The following HERPUD2 variants were observed in gnomAD, a reference collection of about 807,000 sequenced individuals.
HERPUD2 encodes homocysteine-responsive endoplasmic reticulum-resident ubiquitin-like domain member 2 protein.
HERPUD2 carries 13 observed loss-of-function variants against 49.9 expected under a neutral mutation model. The observed-to-expected ratio is 0.26, with a 90% confidence interval of 0.17 to 0.41. HERPUD2 has a LOEUF of 0.41. HERPUD2 is among the 10% of genes least tolerant of loss of function. HERPUD2 has a pLI of 1.00. For synonymous variants in HERPUD2, 172 were observed against 171.4 expected (o/e 1.00, Z -0.03); for missense variants, 449 against 492.2 (o/e 0.91, Z 0.83).
chr7:35,668,903 T>C (rs1242591146), intron 4 of HERPUD2, among the ~76,000 whole-genome samples: 3 of 152,208 alleles, frequency 2.0e-5, no homozygotes, highest in African/African-American at 7.2e-5. Flanking sequence ...AATTATTTTA[T>C]GATTAGATCT....
In HERPUD2 at chr7:35,635,215, C is replaced by G; in HGVS notation, c.861G>C (p.Ala287=). ...AGAAGTATACAATGCTAAGGAGAATCGCAGCTCGTGAGAACGTGTACATCC... is the reference window on the plus strand; with the variant it reads ...AGAAGTATACAATGCTAAGGAGAATGGCAGCTCGTGAGAACGTGTACATCC... The part of the protein sequence containing the change: ...LDWMYTFSRA[A]ILLSIVYFYS... Residue 287 remains alanine, a synonymous_variant, in exon 7 of 9, where the codon GCG becomes GCC. Transcript: ENST00000311350. 1.2e-6 allele frequency: 2 copies of G among 1,614,112 alleles called. No homozygotes were observed. Among genetic ancestry groups the G allele is most frequent in the Non-Finnish European group, 1.7e-6 (2 of 1,179,962 alleles).
intron 5 of HERPUD2, among the ~76,000 whole-genome samples, chr7:35,653,175 G>T (rs959727740): frequency 1.1e-4 from 16 of 152,142 alleles, no homozygotes; most frequent in African/African-American, 3.4e-4. Context: ...ACCACATGCT[G>T]CCTACAAGAA....
intron 5 of HERPUD2, among the ~76,000 whole-genome samples, chr7:35,665,148 C>A (rs1374115064): frequency 1.3e-5 from 2 of 152,228 alleles, no homozygotes; most frequent in African/African-American, 4.8e-5. Flanking sequence ...TCAAAGCTGT[C>A]ACACAGGGAC....
At chr7:35,663,801 G>A (rs927885553) in intron 5 of HERPUD2, among the ~76,000 whole-genome samples, 9 of 152,002 alleles carry the variant, frequency 5.9e-5, no homozygotes, top group African/African-American at 1.4e-4. Context: ...GTCTCTGCAC[G>A]TGAGATGGGT....
At chr7:35,679,965 A>G (rs1785843983) in intron 2 of HERPUD2, among the ~76,000 whole-genome samples, 1 of 152,076 alleles carries the variant, frequency 6.6e-6, no homozygotes, top group African/African-American at 2.4e-5. Flanking sequence ...TCTATCTCCA[A>G]AAGTTCCTCT....
chr7:35,694,516 T>C lies in HERPUD2; in HGVS notation c.-186A>G. On this transcript the variant is annotated 5_prime_UTR_variant, in exon 2 of 9. Coordinates refer to ENST00000311350, the MANE Select transcript of HERPUD2 (RefSeq NM_022373.5). ...CGGTACCAAGGATGGACTGAGGTGG[T>C]GGCGACTGCGACGGTGGGGTCTGGG... 2 of 623,926 alleles carry C rather than the reference T, an allele frequency of 3.2e-6. No homozygotes were observed. Among genetic ancestry groups the C allele is most frequent in the South Asian group, 2.0e-5 (1 of 50,118 alleles). The allele number at this position is 623,926 out of a possible 1,614,324, so 38.6% of individuals were successfully genotyped here.
At chr7:35,650,025 T>G (rs1785131158) in intron 5 of HERPUD2, among the ~76,000 whole-genome samples, 1 of 152,162 alleles carries the variant, frequency 6.6e-6, no homozygotes, top group Non-Finnish European at 1.5e-5. Context: ...TTTATATGGT[T>G]ATTTCTGAGT....
chr7:35,678,063 G>C (rs1298330603), intron 2 of HERPUD2, among the ~76,000 whole-genome samples: 3 of 152,128 alleles, frequency 2.0e-5, no homozygotes, highest in Non-Finnish European at 4.4e-5. Flanking sequence ...CAAATTTCTA[G>C]TACCTGCTCC....
chr7:35,671,112 A>C (rs1483539356), intron 3 of HERPUD2, among the ~76,000 whole-genome samples: 2 of 152,014 alleles, frequency 1.3e-5, no homozygotes, highest in Non-Finnish European at 1.5e-5. Context: ...AAAGATAACC[A>C]AATGGGGAGA....
chr7:35,648,764 G>A (rs1356074126), intron 5 of HERPUD2, among the ~76,000 whole-genome samples: 2 of 152,124 alleles, frequency 1.3e-5, no homozygotes, highest in East Asian at 1.9e-4. Flanking sequence ...AAACGGCCCT[G>A]AACTCAATCT....
chr7:35,635,223 G>C lies in HERPUD2; in HGVS notation c.853C>G (p.Arg285Gly). 4 of 1,614,114 alleles carry C rather than the reference G, an allele frequency of 2.5e-6. No individual in the cohort carries two copies. The highest frequency in any genetic ancestry group is 3.4e-6 in the Non-Finnish European group (4 of 1,179,940). The change falls in exon 7 of 9, where the codon CGA (arginine) becomes GGA (glycine). Residue 285 changes from arginine to glycine, a missense_variant. Physicochemically the swap from Arg to Gly is moderately radical, Grantham distance 125 (BLOSUM62 -2). Transcript: ENST00000311350. The part of the protein sequence containing the change: ...DWLDWMYTFS[R>G]AAILLSIVYF... ...ACAATGCTAAGGAGAATCGCAGCTC[G>C]TGAGAACGTGTACATCCAGTCTAGC...
intron 2 of HERPUD2, among the ~76,000 whole-genome samples, chr7:35,675,188 G>C (rs547220052): frequency 2.8e-4 from 42 of 152,272 alleles, no homozygotes; most frequent in African/African-American, 8.9e-4. Context: ...ATGTCCTCTG[G>C]AGAATTATCT....
At chr7:35,634,515 A>G (rs2115814502) in intron 7 of HERPUD2, 86 bp from the exon 8 acceptor site, 2 of 758,514 alleles carry the variant, frequency 2.6e-6, no homozygotes, top group East Asian at 5.4e-5. Context: ...GTCCTATAAG[A>G]GAAAAATGAT....
intron 2 of HERPUD2, among the ~76,000 whole-genome samples, chr7:35,693,102 C>G (rs961051555): frequency 2.0e-5 from 3 of 152,236 alleles, no homozygotes; most frequent in African/African-American, 7.2e-5. Context: ...CTTTTCTAAA[C>G]TATTCCAAGA....
chr7:35,693,041 G>A (rs1297305661), intron 2 of HERPUD2, among the ~76,000 whole-genome samples: 2 of 152,202 alleles, frequency 1.3e-5, no homozygotes, highest in South Asian at 2.1e-4. Flanking sequence ...ATACAGTGGA[G>A]AATGCGAAAG....
chr7:35,691,393 A>G (rs935236802), intron 2 of HERPUD2, among the ~76,000 whole-genome samples: 14 of 56,706 alleles, frequency 2.5e-4, no homozygotes, highest in African/African-American at 7.0e-4. Context: ...GACAATCTCA[A>G]ATTTCCATTC....
chr7:35,653,275 CTATCCT>C (rs1252250852), intron 5 of HERPUD2, among the ~76,000 whole-genome samples: 1 of 152,138 alleles, frequency 6.6e-6, no homozygotes, highest in African/African-American at 2.4e-5. Context: ...ACAAGAACAT[CTATCCT>C]TATAACAGAT....
intron 5 of HERPUD2, among the ~76,000 whole-genome samples, chr7:35,657,185 T>C (rs1274122138): frequency 6.6e-6 from 1 of 151,864 alleles, no homozygotes; most frequent in Non-Finnish European, 1.5e-5. Flanking sequence ...AATAATCCCA[T>C]TAAAAAGTAA....
intron 3 of HERPUD2, among the ~76,000 whole-genome samples, chr7:35,672,849 C>T (rs1785670993): frequency 6.6e-6 from 1 of 151,884 alleles, no homozygotes; most frequent in East Asian, 1.9e-4. Flanking sequence ...ATGCAGCTGG[C>T]AAAAAGGAGA....
Sources: gnomAD v4.1 joint callset for allele counts (sites outside exome capture counted in the v4.1 genomes callset) on GRCh38, gnomAD v4.1.1 for gene constraint, MANE v1.5 for transcripts, NCBI Gene and HGNC (gene_info 2026-07-23, HGNC 2026-07-21) for gene names.